The following TROAP variants were observed in gnomAD, a reference collection of about 807,000 sequenced individuals.
The protein encoded by TROAP is tastin.
TROAP carries 62 observed loss-of-function variants against 83.4 expected under a neutral mutation model. The ratio of observed to expected loss-of-function variants is 0.74; its 90% CI spans 0.61 to 0.92. The LOEUF is 0.92. Ranked by LOEUF, TROAP falls within the 40% of genes least tolerant of loss-of-function variation. The probability of loss-of-function intolerance (pLI) is 0.00; values close to 1 mark genes in which losing one functional copy is unlikely to be tolerated. For synonymous variants in TROAP, 352 were observed against 386.4 expected (o/e 0.91, Z 1.04); for missense variants, 876 against 985.1 (o/e 0.89, Z 1.48).
Position 49,329,573 on chromosome 12 carries a change from C to T in TROAP, c.1164+119C>T. On this transcript the variant is annotated intron_variant, in intron 11 of 14. Coordinates refer to ENST00000257909, the MANE Select transcript of TROAP (RefSeq NM_005480.4). This position sits in a 1 kb window ranked among gnomAD's most constrained non-coding sequence, Gnocchi z 4.5. ...AGGCATGGTGGCTCACACCTGTAAT[C>T]CCAGCACTTTGGGAGGCTGAGGTAG... 5.6e-6 allele frequency: 7 copies of T among 1,248,918 alleles called. No homozygotes were observed. Among genetic ancestry groups the T allele is most frequent in the Non-Finnish European group, 7.8e-6 (7 of 895,104 alleles). 77.4% of individuals were successfully genotyped at this position (1,248,918 alleles called of 1,614,324 possible). A position where few individuals can be genotyped will look rare whatever the true frequency, so the allele number is the denominator to read the frequency against.
At chr12:49,324,883 A>C in intron 3 of TROAP, among the ~76,000 whole-genome samples, 2 of 145,050 alleles carry the variant, frequency 1.4e-5, no homozygotes, top group African/African-American at 5.1e-5. Context: ...ACCTGCCACC[A>C]CACCCAGCTA....
At chr12:49,328,214 CTTTTTTTTTTTTT>C (rs981259606) in intron 8 of TROAP, among the ~76,000 whole-genome samples, 3 of 77,364 alleles carry the variant, frequency 3.9e-5, no homozygotes, top group East Asian at 3.8e-4. Context: ...TGACTTAGGT[CTTTTTTTTTTTTT>C]TTTTTTTTTT....
rs746664399 is a variant in TROAP at position 49,330,158 on chromosome 12, T to C, written c.1313T>C (p.Leu438Pro). 1 of 1,613,854 alleles carries C rather than the reference T, an allele frequency of 6.2e-7. No homozygotes were observed. The highest frequency in any genetic ancestry group is 1.1e-5 in the South Asian group (1 of 91,076). The change falls in exon 13 of 15, where the codon CTG becomes CCG. Residue 438 changes from leucine (L) to proline (P), a missense_variant. Physicochemically the swap from Leu to Pro is moderately conservative, Grantham distance 98. Coordinates refer to ENST00000257909, the MANE Select transcript of TROAP (RefSeq NM_005480.4). ...QEVKIQRIGILQQLLRQEVEG... is the reference protein window; with the variant it reads ...QEVKIQRIGIPQQLLRQEVEG... ...CTCCCACCACAGCGCATCGGTATCC[T>C]GCAACAGCTGTTGAGACAGGAAGTA...
intron 8 of TROAP, among the ~76,000 whole-genome samples, chr12:49,327,681 C>T (rs1404205196): frequency 6.6e-6 from 1 of 152,122 alleles, no homozygotes; most frequent in Non-Finnish European, 1.5e-5. Context: ...CTGTTCTAGG[C>T]TCTGGACATA....
At chr12:49,324,412 C>T in intron 3 of TROAP, 1 of 480,456 alleles carries the variant, frequency 2.1e-6, no homozygotes, top group Non-Finnish European at 3.6e-6. Flanking sequence ...CCCCATGTCA[C>T]AATCAGTTGC....
chr12:49,331,493 T>C (rs1260428709), intron 14 of TROAP, 80 bp from the exon 15 acceptor site: 4 of 1,612,266 alleles, frequency 2.5e-6, no homozygotes, highest in Non-Finnish European at 3.4e-6. Context: ...CACCTGGGCT[T>C]CTTCACAGAG....
At chr12:49,325,690 A>G (rs1327193865) in intron 4 of TROAP, 32 bp downstream of exon 4, 1 of 1,613,004 alleles carries the variant, frequency 6.2e-7, no homozygotes, top group Non-Finnish European at 8.5e-7. Flanking sequence ...AGACCAGGCT[A>G]GGGGGCACTG....
At chr12:49,323,493 T>TGGATTA (rs1943433574) in intron 1 of TROAP, 111 bp from the exon 2 acceptor site, 1 of 1,444,770 alleles carries the variant, frequency 6.9e-7, no homozygotes, top group Non-Finnish European at 9.4e-7. Flanking sequence ...CGGGGGCTTG[T>TGGATTA]GGGCGCGTGG....
At chr12:49,327,151 T>G (rs1024325866) in intron 7 of TROAP, 58 bp from the exon 8 acceptor site, 2 of 1,605,748 alleles carry the variant, frequency 1.2e-6, no homozygotes, top group African/African-American at 2.7e-5. Flanking sequence ...TGCAGAACAC[T>G]GTGCCAAACT....
Position 49,329,282 on chromosome 12 carries a change from CAGCT to C in TROAP, c.1104+41_1104+44del. ...ATGGAGAGGTGGCTGGCATAAGTCA[CAGCT>C]AGGGGAGAAAGGAGATGGATGGGTA... On this transcript the variant is annotated intron_variant, in intron 10 of 14. Transcript: ENST00000257909. The surrounding 1 kb of genome is among the most constrained non-coding windows in gnomAD (Gnocchi z 4.5). 3 of 1,613,596 alleles carry C rather than the reference CAGCT, an allele frequency of 1.9e-6. No individual in the cohort carries two copies. Among genetic ancestry groups the C allele is most frequent in the Non-Finnish European group, 2.5e-6 (3 of 1,179,506 alleles).
At chr12:49,328,214 C>CTTTTTT (rs981259606) in intron 8 of TROAP, among the ~76,000 whole-genome samples, 1 of 77,388 alleles carries the variant, frequency 1.3e-5, no homozygotes. Flanking sequence ...TGACTTAGGT[C>CTTTTTT]TTTTTTTTTT....
Position 49,329,594 on chromosome 12 carries a change from G to T in TROAP, c.1164+140G>T, listed in dbSNP as rs769486680. 25 of 1,099,510 alleles carry T rather than the reference G, an allele frequency of 2.3e-5. No homozygotes were observed. Among genetic ancestry groups the T allele is most frequent in the Non-Finnish European group, 2.3e-5 (18 of 766,356 alleles). The allele number at this position is 1,099,510 out of a possible 1,614,324, so 68.1% of individuals were successfully genotyped here. On this transcript the variant is annotated intron_variant, in intron 11 of 14. Coordinates refer to ENST00000257909, the MANE Select transcript of TROAP (RefSeq NM_005480.4). This position sits in a 1 kb window ranked among gnomAD's most constrained non-coding sequence, Gnocchi z 4.5. ...TAATCCCAGCACTTTGGGAGGCTGAGGTAGGAGGATTGCTTGAGCTCAGAT... is the reference window on the plus strand; with the variant it reads ...TAATCCCAGCACTTTGGGAGGCTGATGTAGGAGGATTGCTTGAGCTCAGAT...
Position 49,326,305 on chromosome 12 carries a change from G to A in TROAP, c.716+147G>A, listed in dbSNP as rs554727428. 159 of 805,492 alleles carry A rather than the reference G, an allele frequency of 2.0e-4. 1 individual carries two copies. Among genetic ancestry groups the A allele is most frequent in the Admixed American group, 1.5e-3 (68 of 45,504 alleles). The allele number at this position is 805,492 out of a possible 1,614,324, so 49.9% of individuals were successfully genotyped here. The stretch of plus-strand genomic sequence containing the variant: ...GGAAGCAAGAAACCTGTGATTACCC[G>A]GGATGAGCCCTTGGGATAGGGTTCA... On this transcript the variant is annotated intron_variant, in intron 6 of 14. Coordinates refer to ENST00000257909, the MANE Select transcript of TROAP (RefSeq NM_005480.4).
At chr12:49,331,055 C>A in intron 13 of TROAP, 112 bp downstream of exon 13, 2 of 1,530,240 alleles carry the variant, frequency 1.3e-6, no homozygotes, top group Non-Finnish European at 1.8e-6. Flanking sequence ...CACCTTCCAC[C>A]CTGGCCCAGC....
At position 49,326,659 on chromosome 12, in the gene TROAP, T is replaced by C. The variant is rs1943505593; in HGVS notation, c.717-9T>C. The C allele has an allele frequency of 6.4e-7, 1 of 1,555,326 alleles. No individual in the cohort carries two copies. Among genetic ancestry groups the C allele is most frequent in the Non-Finnish European group, 8.7e-7 (1 of 1,148,428 alleles). On this transcript the variant is annotated splice_polypyrimidine_tract_variant and intron_variant, in intron 6 of 14. Coordinates refer to ENST00000257909, the MANE Select transcript of TROAP (RefSeq NM_005480.4). ...AGTGACTGCTGGCTAATGTCCTTATTGTCATCAGGACTTCAGTGAGCCAGG... is the reference window on the plus strand; with the variant it reads ...AGTGACTGCTGGCTAATGTCCTTATCGTCATCAGGACTTCAGTGAGCCAGG...
rs114168995 is a variant in TROAP, at chr12:49,324,070, A to G, written c.337+33A>G. ...TTGGAGCCATGGTAACACGGCCTCC[A>G]TGGCTGAGTAGGGGACTAGGAAGGG... is the stretch of plus-strand genomic sequence containing the variant. On this transcript the variant is annotated intron_variant, in intron 3 of 14. Coordinates refer to ENST00000257909, the MANE Select transcript of TROAP (RefSeq NM_005480.4). 3,835 of 1,612,252 alleles carry G rather than the reference A, an allele frequency of 2.4e-3. 74 individuals carry two copies. The African/African-American group carries it at 0.044, about 19-fold the overall frequency.
At chr12:49,327,127 C>T (rs1056320241) in intron 7 of TROAP, 82 bp from the exon 8 acceptor site, 7 of 1,567,876 alleles carry the variant, frequency 4.5e-6, no homozygotes, top group Non-Finnish European at 6.1e-6. Flanking sequence ...AACTAATATA[C>T]CCTCTTCAGA....
At position 49,329,407 on chromosome 12, in the gene TROAP, C is replaced by T. The variant is rs781099050; in HGVS notation, c.1117C>T (p.Arg373Cys). The part of the protein sequence containing the change: ...TPRVQQAQWL[R>C]GVSPQSCSED... ...ACTTCTGTGCCAGGCCCAGTGGCTG[C>T]GTGGTGTCTCCCCTCAGTCCTGCTC... The change falls in exon 11 of 15, where the codon CGT becomes TGT. Residue 373 changes from arginine (R) to cysteine (C), a missense_variant. Coordinates refer to ENST00000257909, the MANE Select transcript of TROAP (RefSeq NM_005480.4). The surrounding 1 kb of genome is among the most constrained non-coding windows in gnomAD (Gnocchi z 4.5). The T allele has an allele frequency of 9.9e-6, 16 of 1,612,648 alleles. No individual in the cohort carries two copies. The highest frequency in any genetic ancestry group is 8.9e-5 in the East Asian group (4 of 44,882).
At chr12:49,331,132 G>A (rs759451672) in intron 13 of TROAP, 82 bp from the exon 14 acceptor site, 36 of 1,588,562 alleles carry the variant, frequency 2.3e-5, no homozygotes, top group Middle Eastern at 1.7e-4. Flanking sequence ...TGGCTTGGCC[G>A]TTGGTGGGGG....
Sources: gnomAD v4.1 joint callset for allele counts (sites outside exome capture counted in the v4.1 genomes callset) on GRCh38, gnomAD v4.1.1 for gene constraint, Gnocchi (gnomAD v3.1) non-coding constraint, MANE v1.5 for transcripts, NCBI Gene and HGNC (gene_info 2026-07-23, HGNC 2026-07-21) for gene names.